Variants in SHLD1 observed in about 807,000 individuals in gnomAD.
The protein encoded by SHLD1 is shieldin complex subunit 1.
SHLD1 carries 3 observed loss-of-function variants against 5.5 expected under a neutral mutation model. The ratio of observed to expected loss-of-function variants is 0.54; its 90% CI spans 0.25 to 1.40. The LOEUF (loss-of-function observed/expected upper bound fraction) is 1.40. Among genes scored for constraint, SHLD1 ranks in the 40% most tolerant of loss-of-function variants. The pLI is 0.15. For synonymous variants in SHLD1, 92 were observed against 94.3 expected (o/e 0.98, Z 0.14); for missense variants, 210 against 244.4 (o/e 0.86, Z 0.94).
chr20:5,863,409 G>T lies in SHLD1; in HGVS notation c.564G>T (p.Leu188=), dbSNP rs769964427. Residue 188 remains leucine (L), a synonymous_variant, in exon 3 of 3, where the codon CTG becomes CTT. Coordinates refer to ENST00000303142, the MANE Select transcript of SHLD1 (RefSeq NM_152504.4). ...SLDDEKPNPG[L]SKDITHFLLQ... ...ATGATGAAAAGCCAAACCCAGGACTGTCAAAGGATATTACTCATTTCCTCT... is the reference window on the plus strand; with the variant it reads ...ATGATGAAAAGCCAAACCCAGGACTTTCAAAGGATATTACTCATTTCCTCT... The T allele has an allele frequency of 1.9e-6, 3 of 1,612,784 alleles. No homozygotes were observed. In the Admixed American group the frequency reaches 5.0e-5, roughly 27 times the overall value.
At chr20:5,823,984 G>GCCCT (rs1600157293) in intron 2 of SHLD1, among the ~76,000 whole-genome samples, 1 of 152,062 alleles carries the variant, frequency 6.6e-6, no homozygotes, top group East Asian at 1.9e-4. Flanking sequence ...TCCCATGCTT[G>GCCCT]CCCTCCTTGG....
intron 2 of SHLD1, among the ~76,000 whole-genome samples, chr20:5,844,770 C>CATATATATATATAT (rs150675433): frequency 2.8e-4 from 28 of 101,038 alleles, no homozygotes; most frequent in East Asian, 6.5e-4. Flanking sequence ...GTGTAGTAGA[C>CATATATATATATAT]ATATATATAT....
Position 5,849,353 on chromosome 20 carries a change from A to G in SHLD1, c.179-13671A>G, listed in dbSNP as rs185608876. ...TTTGTACAGCTAGGAAGTGGGAGAA[A>G]TGCCAGTGGTGAAAACAGGGAAAAG... On this transcript the variant is annotated intron_variant, in intron 2 of 2. Transcript: ENST00000303142. Among the ~76,000 whole-genome samples the G allele has an allele frequency of 2.0e-4, 30 of 152,336 alleles. No homozygotes were observed. In the East Asian group the frequency reaches 5.6e-3, roughly 28 times the overall value.
intron 2 of SHLD1, among the ~76,000 whole-genome samples, chr20:5,786,255 C>T (rs1474399749): frequency 6.6e-6 from 1 of 152,170 alleles, no homozygotes; most frequent in Non-Finnish European, 1.5e-5. Flanking sequence ...AATTTTCCCT[C>T]TGCCTTTCTG....
At chr20:5,844,770 C>CATATATATAT (rs150675433) in intron 2 of SHLD1, among the ~76,000 whole-genome samples, 216 of 101,004 alleles carry the variant, frequency 2.1e-3, no homozygotes, top group Non-Finnish European at 3.2e-3. Flanking sequence ...GTGTAGTAGA[C>CATATATATAT]ATATATATAT....
chr20:5,763,329 A>G (rs1401177149), intron 1 of SHLD1, among the ~76,000 whole-genome samples: 1 of 151,466 alleles, frequency 6.6e-6, no homozygotes, highest in Non-Finnish European at 1.5e-5. Flanking sequence ...TGCCTGTAAG[A>G]TAAGTATTAT....
At chr20:5,853,470 C>G (rs901764494) in intron 2 of SHLD1, among the ~76,000 whole-genome samples, 1 of 151,972 alleles carries the variant, frequency 6.6e-6, no homozygotes, top group African/African-American at 2.4e-5. Flanking sequence ...AAATAATAAA[C>G]AAATCGTGTG....
intron 2 of SHLD1, among the ~76,000 whole-genome samples, chr20:5,813,504 T>C (rs979382102): frequency 6.6e-6 from 1 of 151,966 alleles, no homozygotes; most frequent in South Asian, 2.1e-4. Flanking sequence ...AAATAAATAA[T>C]TCTAGTTCTT....
chr20:5,754,656 C>T (rs938452309), intron 1 of SHLD1, among the ~76,000 whole-genome samples: 27 of 152,250 alleles, frequency 1.8e-4, no homozygotes, highest in African/African-American at 6.5e-4. Flanking sequence ...ACATTTTAGG[C>T]CTCAAAATGT....
intron 2 of SHLD1, among the ~76,000 whole-genome samples, chr20:5,862,292 C>T (rs2088173507): frequency 6.6e-6 from 1 of 152,206 alleles, no homozygotes; most frequent in African/African-American, 2.4e-5. Context: ...GGTCCCCCAC[C>T]AGGTGACTTA....
chr20:5,843,589 C>T (rs760135498), intron 2 of SHLD1, among the ~76,000 whole-genome samples: 1 of 152,122 alleles, frequency 6.6e-6, no homozygotes, highest in Non-Finnish European at 1.5e-5. Context: ...CATGCTAGGT[C>T]TAGACACCAG....
Position 5,806,804 on chromosome 20 carries a change from C to T in SHLD1, c.178+33761C>T, listed in dbSNP as rs150778342. On this transcript the variant is annotated intron_variant, in intron 2 of 2. Transcript: ENST00000303142. This position sits in a 1 kb window ranked among gnomAD's most constrained non-coding sequence, Gnocchi z 7.6. ...TCCTGTGTTGTTGTTTCTCCGCACC[C>T]AAGGGATGTGAACAGAGTGGTGGCA... Among the ~76,000 whole-genome samples, 32 of 152,344 alleles carry T rather than the reference C, an allele frequency of 2.1e-4. 1 individual carries two copies. Among genetic ancestry groups the T allele is most frequent in the African/African-American group, 7.2e-4 (30 of 41,580 alleles).
At chr20:5,794,728 T>C (rs1317230039) in intron 2 of SHLD1, among the ~76,000 whole-genome samples, 2 of 152,206 alleles carry the variant, frequency 1.3e-5, no homozygotes, top group East Asian at 3.9e-4. Context: ...CTGGGGTGTC[T>C]TTAAGCAAAG....
intron 2 of SHLD1, among the ~76,000 whole-genome samples, chr20:5,833,417 C>T (rs1335730490): frequency 6.6e-6 from 1 of 152,180 alleles, no homozygotes; most frequent in Admixed American, 6.5e-5. Context: ...AAAATCACTC[C>T]TGCAACCCTG....
chr20:5,842,579 G>A (rs2087878595), intron 2 of SHLD1, among the ~76,000 whole-genome samples: 1 of 152,138 alleles, frequency 6.6e-6, no homozygotes, highest in African/African-American at 2.4e-5. Flanking sequence ...TTGTCTCATT[G>A]TGCATTGCCT....
intron 2 of SHLD1, among the ~76,000 whole-genome samples, chr20:5,839,011 T>C (rs2087823178): frequency 6.6e-6 from 1 of 152,202 alleles, no homozygotes; most frequent in South Asian, 2.1e-4. Flanking sequence ...CATTTCCTCC[T>C]ACACCATGGA....
chr20:5,765,819 A>G (rs1023400255), intron 1 of SHLD1, among the ~76,000 whole-genome samples: 2 of 87,984 alleles, frequency 2.3e-5, no homozygotes, highest in African/African-American at 9.3e-5. Context: ...GGGTTTCACT[A>G]TGTTGGCCAG....
chr20:5,812,020 G>T (rs1034769236), intron 2 of SHLD1, among the ~76,000 whole-genome samples: 4 of 151,618 alleles, frequency 2.6e-5, no homozygotes, highest in Non-Finnish European at 5.9e-5. Context: ...AGGGTAAGTG[G>T]GATAATATGT....
At chr20:5,797,640 C>T (rs2087231936) in intron 2 of SHLD1, among the ~76,000 whole-genome samples, 1 of 152,198 alleles carries the variant, frequency 6.6e-6, no homozygotes, top group Admixed American at 6.5e-5. Context: ...ACTTACTAGA[C>T]ACAGTATTAT....
Sources: gnomAD v4.1 joint callset for allele counts (sites outside exome capture counted in the v4.1 genomes callset) on GRCh38, gnomAD v4.1.1 for gene constraint, Gnocchi (gnomAD v3.1) non-coding constraint, MANE v1.5 for transcripts, NCBI Gene and HGNC (gene_info 2026-07-23, HGNC 2026-07-21) for gene names.